SLC24A5: variants seen among roughly 807,000 people sequenced by gnomAD.
SLC24A5 encodes the protein sodium/potassium/calcium exchanger 5.
In SLC24A5, 46 loss-of-function variants were observed where a neutral mutation model predicts 51.6. The ratio of observed to expected loss-of-function variants is 0.89; its 90% CI spans 0.70 to 1.14. SLC24A5 has a LOEUF of 1.14. Among genes scored for constraint, SLC24A5 ranks in the 50% most tolerant of loss-of-function variants. The probability of loss-of-function intolerance (pLI) is 0.00; values close to 1 mark genes in which losing one functional copy is unlikely to be tolerated. For synonymous variants in SLC24A5, 230 were observed against 214.9 expected (o/e 1.07, Z -0.62); for missense variants, 581 against 604.1 (o/e 0.96, Z 0.40).
intron 2 of SLC24A5, among the ~76,000 whole-genome samples, chr15:48,133,872 A>G (rs1465230460): frequency 6.6e-6 from 1 of 151,928 alleles, no homozygotes; most frequent in Non-Finnish European, 1.5e-5. Flanking sequence ...CAGCTGCATT[A>G]TACATCTAAA....
chr15:48,136,633 C>T, intron 5 of SLC24A5, 50 bp from the exon 6 acceptor site: 3 of 1,520,944 alleles, frequency 2.0e-6, no homozygotes, highest in Non-Finnish European at 2.7e-6. Flanking sequence ...GCTATCAACT[C>T]TAAAATGACT....
intron 2 of SLC24A5, among the ~76,000 whole-genome samples, chr15:48,130,319 A>G (rs1241888766): frequency 6.6e-6 from 1 of 152,172 alleles, no homozygotes; most frequent in Non-Finnish European, 1.5e-5. Context: ...AATCTATTCT[A>G]AAGTTCAGAG....
At chr15:48,123,250 T>C (rs1298669657) in intron 2 of SLC24A5, 1 of 151,886 alleles carries the variant, frequency 6.6e-6, no homozygotes, top group African/African-American at 2.4e-5. Flanking sequence ...TGACGTTACA[T>C]CTTATATATA....
Position 48,139,135 on chromosome 15 carries a change from C to T in SLC24A5, c.1038C>T (p.Ser346=), listed in dbSNP as rs370308018. 35 of 1,612,548 alleles carry T rather than the reference C, an allele frequency of 2.2e-5. No individual in the cohort carries two copies. The highest frequency in any genetic ancestry group is 5.3e-5 in the African/African-American group (4 of 74,844). The change falls in exon 7 of 9, where the codon TCC becomes TCT. Residue 346 remains serine (S), a synonymous_variant. Coordinates refer to ENST00000341459, the MANE Select transcript of SLC24A5 (RefSeq NM_205850.3). ...TTTTCATGTCTGCAATATGGATATC[C>T]GCATTTACATATATCCTGGTTTGGA... ...ITFFMSAIWI[S]AFTYILVWMV... is the part of the protein sequence containing the mutation.
rs748919256 is a variant in SLC24A5, at chr15:48,142,229, T to C, written c.1381T>C (p.Trp461Arg). ...FLFLAVHFNG[W>R]KLDRKLGIVC... Reference sequence around the variant, plus strand: ...TTTTTTAGCAGTTCACTTCAATGGCTGGAAACTAGACAGAAAGTTGGGAAT... The same window carrying C: ...TTTTTTAGCAGTTCACTTCAATGGCCGGAAACTAGACAGAAAGTTGGGAAT... Residue 461 changes from tryptophan (W) to arginine (R), a missense_variant, in exon 9 of 9, where the codon TGG (tryptophan) becomes CGG (arginine). By Grantham distance (101) the Trp-to-Arg change is moderately radical. Coordinates refer to ENST00000341459, the MANE Select transcript of SLC24A5 (RefSeq NM_205850.3). 6.2e-7 allele frequency: 1 copy of C among 1,613,852 alleles called. No homozygotes were observed. Among genetic ancestry groups the C allele is most frequent in the Admixed American group, 1.7e-5 (1 of 60,016 alleles).
At chr15:48,124,407 C>A (rs897123594) in intron 2 of SLC24A5, 2 of 151,968 alleles carry the variant, frequency 1.3e-5, no homozygotes, top group African/African-American at 4.8e-5. Flanking sequence ...TTTGTACATT[C>A]TTATGCCAAT....
chr15:48,141,350 G>A (rs573335961), intron 8 of SLC24A5, 136 bp downstream of exon 8: 43 of 598,064 alleles, frequency 7.2e-5, no homozygotes, highest in East Asian at 5.9e-4. Context: ...AGGCCGAGGC[G>A]GGTGGATCAC....
intron 2 of SLC24A5, chr15:48,123,163 T>A (rs1473801350): frequency 2.6e-5 from 4 of 151,506 alleles, no homozygotes; most frequent in Non-Finnish European, 2.9e-5. Context: ...TGAAAATATA[T>A]AATATATATA....
At chr15:48,139,735 C>T (rs1415397286) in intron 7 of SLC24A5, 1 of 152,120 alleles carries the variant, frequency 6.6e-6, no homozygotes, top group African/African-American at 2.4e-5. Flanking sequence ...TGCTGCTTGG[C>T]CATAATCCAC....
At chr15:48,132,761 T>C (rs2038804686) in intron 2 of SLC24A5, among the ~76,000 whole-genome samples, 1 of 152,084 alleles carries the variant, frequency 6.6e-6, no homozygotes, top group African/African-American at 2.4e-5. Flanking sequence ...AGCAATTCCT[T>C]AGACATCTCT....
Position 48,142,152 on chromosome 15 carries a change from G to A in SLC24A5, c.1304G>A (p.Ser435Asn), listed in dbSNP as rs776685230. 5.6e-6 allele frequency: 9 copies of A among 1,613,836 alleles called. No homozygotes were observed. Among genetic ancestry groups the A allele is most frequent in the Non-Finnish European group, 7.6e-6 (9 of 1,179,880 alleles). Residue 435 changes from serine to asparagine, a missense_variant, in exon 9 of 9, where the codon AGC becomes AAC. Coordinates refer to ENST00000341459, the MANE Select transcript of SLC24A5 (RefSeq NM_205850.3). ...GGATCAGCTCCTGCAGAAGTAAACAGCAGAGGACTAACTTACATAACCATC... is the reference window on the plus strand; with the variant it reads ...GGATCAGCTCCTGCAGAAGTAAACAACAGAGGACTAACTTACATAACCATC... ...INGSAPAEVN[S>N]RGLTYITISL...
intron 6 of SLC24A5, chr15:48,138,284 G>A (rs376694737): frequency 2.0e-5 from 3 of 151,678 alleles, no homozygotes; most frequent in East Asian, 1.9e-4. Context: ...TTTTGAATTC[G>A]AATTTTTATC....
chr15:48,131,346 A>G (rs757630047), intron 2 of SLC24A5, among the ~76,000 whole-genome samples: 17 of 152,060 alleles, frequency 1.1e-4, no homozygotes, highest in Non-Finnish European at 2.2e-4. Flanking sequence ...GAAATATGCT[A>G]TGGTTTGGGT....
At chr15:48,134,591 T>TA (rs1321029895) in intron 4 of SLC24A5, 53 bp downstream of exon 4, 16 of 1,426,006 alleles carry the variant, frequency 1.1e-5, no homozygotes, top group Non-Finnish European at 1.5e-5. Context: ...ATTCTAAAGA[T>TA]AACTGTTCGT....
chr15:48,141,464 C>T, intron 8 of SLC24A5: 1 of 288,092 alleles, frequency 3.5e-6, no homozygotes, highest in Non-Finnish European at 6.7e-6. Context: ...GTAATCCCAG[C>T]TACTCAGGAG....
rs2038908633 is a variant in SLC24A5, at chr15:48,136,709, T to C, written c.617T>C (p.Ile206Thr). 2.5e-6 allele frequency: 4 copies of C among 1,612,094 alleles called. No homozygotes were observed. Among genetic ancestry groups the C allele is most frequent in the Admixed American group, 1.7e-5 (1 of 59,904 alleles). ...YWYEGALLLL[I>T]YGLYVLVLCF... Reference sequence around the variant, plus strand: ...TATGAAGGGGCTTTACTGCTTTTGATATATGGATTGTATGTTTTGGTGCTG... The same window carrying C: ...TATGAAGGGGCTTTACTGCTTTTGACATATGGATTGTATGTTTTGGTGCTG... Residue 206 changes from isoleucine to threonine, a missense_variant, in exon 6 of 9, where the codon ATA (isoleucine) becomes ACA (threonine). Ile to Thr is a moderately conservative substitution (Grantham distance 89). Coordinates refer to ENST00000341459, the MANE Select transcript of SLC24A5 (RefSeq NM_205850.3).
intron 5 of SLC24A5, chr15:48,136,472 A>T: frequency 2.5e-6 from 1 of 395,512 alleles, no homozygotes; most frequent in Non-Finnish European, 4.4e-6. Context: ...AAAAAAAAAA[A>T]AACAACACAG....
chr15:48,138,363 G>T (rs1470198648), intron 6 of SLC24A5: 1 of 151,816 alleles, frequency 6.6e-6, no homozygotes, highest in Non-Finnish European at 1.5e-5. Context: ...TTCATAAATT[G>T]TACTTTAGAT....
At chr15:48,133,809 G>A (rs1456509810) in intron 2 of SLC24A5, among the ~76,000 whole-genome samples, 2 of 152,038 alleles carry the variant, frequency 1.3e-5, no homozygotes, top group African/African-American at 2.4e-5. Flanking sequence ...AAATTTGAAC[G>A]GACAGTTGAG....
Sources: allele counts gnomAD v4.1 joint callset (sites outside exome capture counted in the v4.1 genomes callset), GRCh38; gene constraint gnomAD v4.1.1; transcripts MANE v1.5; gene names NCBI Gene and HGNC (gene_info 2026-07-23, HGNC 2026-07-21).